The following NRXN3 variants were observed in gnomAD, a reference collection of about 807,000 sequenced individuals.
NRXN3 encodes the protein neurexin 3, also known as neurexin III.
A neutral mutation model predicts 137.6 loss-of-function variants in NRXN3; 32 were observed. The observed-to-expected ratio is 0.23, with a 90% confidence interval of 0.18 to 0.31. The LOEUF (loss-of-function observed/expected upper bound fraction) is 0.31. NRXN3 is among the 10% of genes least tolerant of loss of function. The pLI, the probability that NRXN3 is intolerant of heterozygous loss-of-function variation, is 1.00. For synonymous variants in NRXN3, 798 were observed against 784.5 expected (o/e 1.02, Z -0.29); for missense variants, 1,574 against 2,062.5 (o/e 0.76, Z 4.59).
chr14:78,800,188 C>T (rs889657881), intron 8 of NRXN3, among the ~76,000 whole-genome samples: 4 of 152,178 alleles, frequency 2.6e-5, no homozygotes, highest in African/African-American at 7.2e-5. Context: ...AGCTCTATGA[C>T]AATTTGGCAG....
chr14:78,943,617 A>ATAT (rs2099358021), intron 10 of NRXN3, among the ~76,000 whole-genome samples: 2 of 40,550 alleles, frequency 4.9e-5, no homozygotes, highest in Non-Finnish European at 8.5e-5. Flanking sequence ...TGTTAAAAAA[A>ATAT]AAAAATATAT....
intron 15 of NRXN3, chr14:79,280,614 A>T: frequency 7.5e-7 from 1 of 1,341,250 alleles, no homozygotes; most frequent in South Asian, 1.3e-5. Context: ...GGTAGTGTCA[A>T]AGGTGGGAAG....
intron 16 of NRXN3, among the ~76,000 whole-genome samples, chr14:79,549,867 C>T (rs1241675886): frequency 6.6e-6 from 1 of 152,096 alleles, no homozygotes; most frequent in East Asian, 1.9e-4. Flanking sequence ...GACGGATCTG[C>T]TTGCAAAGAG....
chr14:79,219,907 C>G (rs1337749576), intron 15 of NRXN3, among the ~76,000 whole-genome samples: 1 of 152,132 alleles, frequency 6.6e-6, no homozygotes, highest in African/African-American at 2.4e-5. Context: ...CACTATCTTT[C>G]AGAGTGATAC....
In NRXN3 at chr14:78,654,972, C is replaced by T. The variant is rs545484431; in HGVS notation, c.1221+3646C>T. On this transcript the variant is annotated intron_variant, in intron 6 of 20. Transcript: ENST00000335750. ...AGAATCTTCTCTGCCTCCCCCTGAG[C>T]TATCAGATATGAGAAAAAGATTATA... Among the ~76,000 whole-genome samples the T allele has an allele frequency of 3.3e-5, 5 of 152,282 alleles. No individual in the cohort carries two copies. The South Asian group carries it at 1.0e-3, about 32-fold the overall frequency.
chr14:78,301,110 G>A (rs1023829003), intron 4 of NRXN3, among the ~76,000 whole-genome samples: 5 of 152,002 alleles, frequency 3.3e-5, no homozygotes, highest in Non-Finnish European at 1.5e-5. Context: ...GATGAGAAAG[G>A]GAGAGAATTG....
intron 4 of NRXN3, among the ~76,000 whole-genome samples, chr14:78,428,852 A>G (rs993045758): frequency 2.6e-5 from 4 of 152,188 alleles, no homozygotes; most frequent in African/African-American, 9.7e-5. Flanking sequence ...AATCTGTTTT[A>G]TTCAACCTAC....
intron 15 of NRXN3, among the ~76,000 whole-genome samples, chr14:79,462,460 A>G: frequency 6.6e-6 from 1 of 151,618 alleles, no homozygotes; most frequent in African/African-American, 2.4e-5. Context: ...CCATTTTAAC[A>G]TCAATAGAAT....
rs1406296192 is a variant in NRXN3, at chr14:78,321,118, AAAAAAAG to A, written c.757+23271_757+23277del. 2.6e-5 allele frequency among the ~76,000 whole-genome samples: 4 copies of A among 151,796 alleles called. No homozygotes were observed. In the East Asian group the frequency reaches 5.8e-4, roughly 22 times the overall value. ...TGACTGAGCGAGACTTCATTTCAAAAAAAAAAGAAAAAAGAAAAAGAAAAAAGATCAC... is the reference window on the plus strand; with the variant it reads ...TGACTGAGCGAGACTTCATTTCAAAAAAAAAAGAAAAAGAAAAAAGATCAC... On this transcript the variant is annotated intron_variant, in intron 4 of 20. Transcript: ENST00000335750.
At chr14:79,498,852 A>G (rs1369304679) in intron 16 of NRXN3, among the ~76,000 whole-genome samples, 1 of 152,192 alleles carries the variant, frequency 6.6e-6, no homozygotes, top group African/African-American at 2.4e-5. Context: ...TGGCACAATC[A>G]TAGCTCACTA....
intron 15 of NRXN3, among the ~76,000 whole-genome samples, chr14:79,174,518 T>TATAC (rs766756150): frequency 4.7e-5 from 7 of 148,440 alleles, no homozygotes; most frequent in African/African-American, 1.7e-4. Flanking sequence ...TATATATATA[T>TATAC]ACACACACAT....
intron 19 of NRXN3, among the ~76,000 whole-genome samples, chr14:79,712,535 A>G (rs1305491747): frequency 6.6e-6 from 1 of 152,222 alleles, no homozygotes; most frequent in African/African-American, 2.4e-5. Flanking sequence ...ACAGCAGTGA[A>G]AAACAACAGA....
intron 4 of NRXN3, among the ~76,000 whole-genome samples, chr14:78,437,492 G>T (rs1000068760): frequency 6.6e-6 from 1 of 152,112 alleles, no homozygotes; most frequent in African/African-American, 2.4e-5. Flanking sequence ...GGGATTACAG[G>T]CATGCGCCAT....
intron 2 of NRXN3, among the ~76,000 whole-genome samples, chr14:78,276,866 A>C (rs1013101227): frequency 6.6e-6 from 1 of 152,204 alleles, no homozygotes; most frequent in East Asian, 1.9e-4. Flanking sequence ...TATCCTGTTT[A>C]ATTAAGGGGT....
At chr14:79,617,917 CAAA>C (rs1162153685) in intron 16 of NRXN3, among the ~76,000 whole-genome samples, 1 of 91,332 alleles carries the variant, frequency 1.1e-5, no homozygotes, top group Non-Finnish European at 2.0e-5. Context: ...TGAATAGCAG[CAAA>C]AAAAAAAAAA....
chr14:78,867,358 C>A (rs554352502), intron 10 of NRXN3, among the ~76,000 whole-genome samples: 1 of 152,254 alleles, frequency 6.6e-6, no homozygotes, highest in East Asian at 1.9e-4. Flanking sequence ...TTTTTGCTAA[C>A]ATCTTGAATT....
At chr14:79,108,580 T>C (rs2052896727) in intron 15 of NRXN3, among the ~76,000 whole-genome samples, 1 of 152,174 alleles carries the variant, frequency 6.6e-6, no homozygotes. Flanking sequence ...AACTTGAAAC[T>C]TAAAATTAAA....
intron 16 of NRXN3, among the ~76,000 whole-genome samples, chr14:79,506,404 A>G (rs1048093751): frequency 6.6e-6 from 1 of 152,210 alleles, no homozygotes; most frequent in African/African-American, 2.4e-5. Flanking sequence ...TTATTATGCT[A>G]GTAAAATCAG....
At chr14:79,158,064 A>G (rs1263764472) in intron 15 of NRXN3, among the ~76,000 whole-genome samples, 2 of 151,728 alleles carry the variant, frequency 1.3e-5, no homozygotes, top group Non-Finnish European at 2.9e-5. Flanking sequence ...TAAGAAGATA[A>G]TAATTTCTTT....
Sources: allele counts gnomAD v4.1 joint callset (sites outside exome capture counted in the v4.1 genomes callset), GRCh38; gene constraint gnomAD v4.1.1; transcripts MANE v1.5; gene names NCBI Gene and HGNC (gene_info 2026-07-23, HGNC 2026-07-21).